Variants in KCNK5 observed in about 807,000 individuals in gnomAD.
The protein encoded by KCNK5 is potassium channel subfamily K member 5.
Under a neutral mutation model 32.9 loss-of-function variants are expected in KCNK5, and 18 were observed. That is an observed-to-expected ratio of 0.55 (90% confidence interval 0.38 to 0.81). The LOEUF (loss-of-function observed/expected upper bound fraction) is 0.81, where lower values mean the gene tolerates loss of function less well. Ranked by LOEUF, KCNK5 falls within the 30% of genes least tolerant of loss-of-function variation. KCNK5 has a pLI of 0.00. For synonymous variants in KCNK5, 276 were observed against 275.3 expected (o/e 1.00, Z -0.03); for missense variants, 507 against 651.0 (o/e 0.78, Z 2.41).
At chr6:39,207,598 G>C (rs757182814) in intron 1 of KCNK5, among the ~76,000 whole-genome samples, 10 of 151,782 alleles carry the variant, frequency 6.6e-5, no homozygotes, top group African/African-American at 2.4e-4. Flanking sequence ...GTTCCCCTGC[G>C]GACTCTGGAA....
At chr6:39,202,151 C>T (rs1306069472) in intron 1 of KCNK5, among the ~76,000 whole-genome samples, 1 of 152,152 alleles carries the variant, frequency 6.6e-6, no homozygotes, top group Admixed American at 6.5e-5. Flanking sequence ...AGTAGCTATT[C>T]AACAAATATT....
At chr6:39,214,054 C>G (rs1224338274) in intron 1 of KCNK5, among the ~76,000 whole-genome samples, 1 of 152,054 alleles carries the variant, frequency 6.6e-6, no homozygotes, top group Non-Finnish European at 1.5e-5. Flanking sequence ...ACACAATAAC[C>G]CCAACGGTGG....
At chr6:39,193,973 C>A (rs934301375) in intron 4 of KCNK5, among the ~76,000 whole-genome samples, 196 bp downstream of exon 4, 5 of 152,144 alleles carry the variant, frequency 3.3e-5, no homozygotes, top group African/African-American at 1.2e-4. Flanking sequence ...AGAAAGGGAA[C>A]CAGAGAGAAA....
intron 1 of KCNK5, among the ~76,000 whole-genome samples, chr6:39,215,916 G>A (rs1173620185): frequency 6.6e-6 from 1 of 152,230 alleles, no homozygotes; most frequent in Non-Finnish European, 1.5e-5. Flanking sequence ...CGTAGGGGGA[G>A]GGGCTGGGGA....
At chr6:39,208,911 G>A (rs1232682319) in intron 1 of KCNK5, among the ~76,000 whole-genome samples, 3 of 152,200 alleles carry the variant, frequency 2.0e-5, no homozygotes, top group South Asian at 2.1e-4. Context: ...CCAACATGGT[G>A]AAACCCCATC....
At chr6:39,216,345 C>G (rs573111295) in intron 1 of KCNK5, among the ~76,000 whole-genome samples, 1 of 152,212 alleles carries the variant, frequency 6.6e-6, no homozygotes, top group African/African-American at 2.4e-5. Flanking sequence ...GGTCAGAAAA[C>G]AGCAGTACTT....
intron 1 of KCNK5, among the ~76,000 whole-genome samples, chr6:39,225,642 G>A (rs11752800): frequency 0.25 from 37,664 of 152,186 alleles, 5,511 homozygotes; most frequent in Non-Finnish European, 0.33. Flanking sequence ...CAACAACACA[G>A]GAGACGCCTG....
Position 39,194,723 on chromosome 6 carries a change from G to A in KCNK5, c.336C>T (p.Arg112=). The A allele has an allele frequency of 6.2e-7, 1 of 1,614,118 alleles. No homozygotes were observed. The highest frequency in any genetic ancestry group is 8.5e-7 in the Non-Finnish European group (1 of 1,180,030). Residue 112 remains arginine (R), a synonymous_variant, in exon 3 of 5, where the codon CGC becomes CGT. Transcript: ENST00000359534. This position sits in a 1 kb window ranked among gnomAD's most constrained non-coding sequence, Gnocchi z 4.7. ...GNVAPKTPAG[R]LFCVFYGLFG... Reference sequence around the variant, plus strand: ...AGAGACCATAGAAAACACAGAAGAGGCGACCGGCGGGGGTCTTGGGAGCCA... The same window carrying A: ...AGAGACCATAGAAAACACAGAAGAGACGACCGGCGGGGGTCTTGGGAGCCA...
chr6:39,222,442 A>C (rs1263104742), intron 1 of KCNK5, among the ~76,000 whole-genome samples: 1 of 152,166 alleles, frequency 6.6e-6, no homozygotes, highest in Non-Finnish European at 1.5e-5. Context: ...CACTTCTTTT[A>C]AGCTGTAAAT....
chr6:39,223,754 C>A (rs1311614404), intron 1 of KCNK5, among the ~76,000 whole-genome samples: 1 of 152,214 alleles, frequency 6.6e-6, no homozygotes. Context: ...AGCAAACAGC[C>A]AAGTTCAAGA....
At chr6:39,225,771 A>C (rs1371369845) in intron 1 of KCNK5, among the ~76,000 whole-genome samples, 2 of 152,204 alleles carry the variant, frequency 1.3e-5, no homozygotes, top group African/African-American at 4.8e-5. Flanking sequence ...CCCAAGAGGG[A>C]GGTGCAAGCT....
chr6:39,228,321 G>A (rs1164772939), intron 1 of KCNK5, among the ~76,000 whole-genome samples: 4 of 152,202 alleles, frequency 2.6e-5, no homozygotes, highest in Admixed American at 6.5e-5. Flanking sequence ...CCGGAAGCCT[G>A]AGCGCGTCCC....
intron 1 of KCNK5, among the ~76,000 whole-genome samples, chr6:39,204,067 G>T (rs1331785432): frequency 6.6e-6 from 1 of 152,224 alleles, no homozygotes; most frequent in African/African-American, 2.4e-5. Context: ...TCTCTCCCAG[G>T]GAAGGAGCAG....
intron 1 of KCNK5, among the ~76,000 whole-genome samples, chr6:39,219,396 T>C (rs1054953761): frequency 6.6e-6 from 1 of 152,108 alleles, no homozygotes; most frequent in African/African-American, 2.4e-5. Context: ...TATAATTAGT[T>C]CCATTTTCAG....
In KCNK5 at chr6:39,211,966, A is replaced by G. The variant is rs1396683464; in HGVS notation, c.187-15979T>C. ...ACAACAAGAGCAAAACTCTGTCTCA[A>G]AAAGAAAAAAAGAAAAGAAAAAATT... On this transcript the variant is annotated intron_variant, in intron 1 of 4. Coordinates refer to ENST00000359534, the MANE Select transcript of KCNK5 (RefSeq NM_003740.4). 3.3e-5 allele frequency among the ~76,000 whole-genome samples: 5 copies of G among 151,966 alleles called. No homozygotes were observed. In the South Asian group the frequency reaches 6.3e-4, roughly 19 times the overall value.
chr6:39,192,551 C>G (rs1384646937), intron 4 of KCNK5, among the ~76,000 whole-genome samples: 2 of 152,178 alleles, frequency 1.3e-5, no homozygotes. Context: ...ACAAACAAGG[C>G]TGGTGGTTAG....
intron 1 of KCNK5, among the ~76,000 whole-genome samples, chr6:39,213,636 A>G (rs1771378573): frequency 6.6e-6 from 1 of 152,218 alleles, no homozygotes; most frequent in African/African-American, 2.4e-5. Context: ...GGGTGTAAGA[A>G]TGTGTATACA....
At chr6:39,193,338 C>G (rs1180448515) in intron 4 of KCNK5, among the ~76,000 whole-genome samples, 1 of 152,206 alleles carries the variant, frequency 6.6e-6, no homozygotes, top group Non-Finnish European at 1.5e-5. Flanking sequence ...TGTTCCTCCC[C>G]CAACTCAGCC....
intron 2 of KCNK5, 78 bp downstream of exon 2, chr6:39,195,798 A>T: frequency 2.1e-6 from 2 of 963,746 alleles, no homozygotes; most frequent in Non-Finnish European, 3.2e-6. Flanking sequence ...GGGCTGAGTG[A>T]CCAGAGCTGG....
Sources: allele counts gnomAD v4.1 joint callset (sites outside exome capture counted in the v4.1 genomes callset), GRCh38; gene constraint gnomAD v4.1.1; non-coding constraint Gnocchi (gnomAD v3.1); transcripts MANE v1.5; gene names NCBI Gene and HGNC (gene_info 2026-07-23, HGNC 2026-07-21).